MEGF10: variants seen among roughly 807,000 people sequenced by gnomAD.
MEGF10 encodes multiple EGF like domains 10.
Under a neutral mutation model 147.5 loss-of-function variants are expected in MEGF10, and 86 were observed. The ratio of observed to expected loss-of-function variants is 0.58; its 90% confidence interval spans 0.49 to 0.70. The LOEUF (loss-of-function observed/expected upper bound fraction) is 0.70. Among genes scored for constraint, MEGF10 ranks in the 30% least tolerant of loss-of-function variants. The pLI is 0.00. For synonymous variants in MEGF10, 478 were observed against 525.5 expected (o/e 0.91, Z 1.24); for missense variants, 1,329 against 1,487.3 (o/e 0.89, Z 1.75).
At chr5:127,450,560 T>C (rs1766116739) in intron 22 of MEGF10, among the ~76,000 whole-genome samples, 1 of 152,216 alleles carries the variant, frequency 6.6e-6, no homozygotes, top group South Asian at 2.1e-4. Flanking sequence ...TCCTTTCACG[T>C]ACATTTATTT....
At chr5:127,298,241 C>T (rs908075960) in intron 1 of MEGF10, among the ~76,000 whole-genome samples, 1 of 152,156 alleles carries the variant, frequency 6.6e-6, no homozygotes, top group African/African-American at 2.4e-5. Flanking sequence ...GTCCTGCTGT[C>T]CCTGCACTCC....
At chr5:127,301,312 G>C (rs1759759064) in intron 1 of MEGF10, among the ~76,000 whole-genome samples, 1 of 152,172 alleles carries the variant, frequency 6.6e-6, no homozygotes, top group Non-Finnish European at 1.5e-5. Flanking sequence ...AGTGAGCCAT[G>C]AGTCATTGTA....
chr5:127,445,561 G>C lies in MEGF10; in HGVS notation c.2596G>C (p.Val866Leu). Residue 866 changes from valine to leucine, a missense_variant, in exon 20 of 25, where the codon GTC becomes CTC. Physicochemically the swap from Val to Leu is conservative, Grantham distance 32 (BLOSUM62 1). Transcript: ENST00000503335. ...IGAIAGIIIL[V>L]LVVLFLLALF... ...GGCCATTGCAGGCATCATCATTCTT[G>C]TCCTAGTTGTTCTCTTCCTACTGGC... 6.2e-7 allele frequency: 1 copy of C among 1,613,984 alleles called. No homozygotes were observed.
chr5:127,247,356 G>C, the MEGF10 span, among the ~76,000 whole-genome samples: 1 of 2,212 alleles, frequency 4.5e-4, no homozygotes, highest in African/African-American at 1.9e-3. Flanking sequence ...AGAAGAAGAA[G>C]AAGAAGAAGA....
intron 19 of MEGF10, among the ~76,000 whole-genome samples, chr5:127,443,425 G>C (rs946074046): frequency 1.3e-5 from 2 of 152,018 alleles, no homozygotes; most frequent in African/African-American, 4.8e-5. Flanking sequence ...TTTCTACTGG[G>C]TCTATGATTT....
chr5:127,299,445 C>G (rs949696760), intron 1 of MEGF10, among the ~76,000 whole-genome samples: 1 of 152,174 alleles, frequency 6.6e-6, no homozygotes, highest in African/African-American at 2.4e-5. Flanking sequence ...TCCCTCACCC[C>G]TAACTTTCAA....
At chr5:127,378,627 A>AT (rs1262868689) in intron 5 of MEGF10, among the ~76,000 whole-genome samples, 1 of 151,810 alleles carries the variant, frequency 6.6e-6, no homozygotes, top group East Asian at 1.9e-4. Context: ...TAATTTTTTT[A>AT]TTTTTTGTAG....
At chr5:127,347,617 T>C (rs1041073030) in intron 4 of MEGF10, among the ~76,000 whole-genome samples, 7 of 152,112 alleles carry the variant, frequency 4.6e-5, no homozygotes, top group Non-Finnish European at 1.0e-4. Context: ...TTTCAACATA[T>C]AACCATCATT....
chr5:127,396,668 G>T lies in MEGF10; in HGVS notation c.549G>T (p.Glu183Asp). ...FRGWRCEDRCEQGTYGNDCHQ... is the reference protein window; with the variant it reads ...FRGWRCEDRCDQGTYGNDCHQ... ...GCTGGCGCTGCGAGGACCGCTGTGA[G>T]CAGGGCACCTATGGTAACGACTGTC... Residue 183 changes from glutamate to aspartate, a missense_variant, in exon 6 of 25, where the codon GAG becomes GAT. By Grantham distance (45) the Glu-to-Asp change is conservative. Around this residue, in one of 3 missense-constraint regions of MEGF10, gnomAD observed 980 missense variants for 1,085.9 expected, o/e 0.90. Transcript: ENST00000503335. 1 of 1,614,142 alleles carries T rather than the reference G, an allele frequency of 6.2e-7. No individual in the cohort carries two copies. The highest frequency in any genetic ancestry group is 8.5e-7 in the Non-Finnish European group (1 of 1,180,040).
At chr5:127,241,291 G>C in the MEGF10 span, among the ~76,000 whole-genome samples, 12 of 152,262 alleles carry the variant, frequency 7.9e-5, 1 homozygote, top group Admixed American at 5.2e-4. Flanking sequence ...GTTGGTTTCA[G>C]GGACTCAGAT....
intron 5 of MEGF10, among the ~76,000 whole-genome samples, chr5:127,370,886 G>T (rs1018061151): frequency 1.3e-5 from 2 of 152,158 alleles, no homozygotes; most frequent in African/African-American, 2.4e-5. Flanking sequence ...TTTGAAAAAG[G>T]AAGCCATCGT....
intron 4 of MEGF10, among the ~76,000 whole-genome samples, chr5:127,352,156 C>T (rs1762109476): frequency 6.6e-6 from 1 of 152,000 alleles, no homozygotes; most frequent in Admixed American, 6.6e-5. Context: ...ATAATCTTAG[C>T]CACATCTTAA....
chr5:127,253,523 G>C, the MEGF10 span, among the ~76,000 whole-genome samples: 2 of 151,912 alleles, frequency 1.3e-5, no homozygotes, highest in Non-Finnish European at 2.9e-5. Context: ...CACAATTATA[G>C]TTATTTATAC....
the MEGF10 span, among the ~76,000 whole-genome samples, chr5:127,273,469 C>A: frequency 6.6e-6 from 1 of 152,198 alleles, no homozygotes; most frequent in African/African-American, 2.4e-5. Flanking sequence ...TCTGTGAGTG[C>A]CATGCACTGC....
intron 1 of MEGF10, among the ~76,000 whole-genome samples, chr5:127,303,405 A>G (rs2546807): frequency 0.54 from 80,897 of 150,714 alleles, 22,476 homozygotes; most frequent in Middle Eastern, 0.63. Flanking sequence ...AGTCCTGGAA[A>G]CCCGGCTGCC....
At chr5:127,448,849 A>C (rs1001321846) in intron 21 of MEGF10, among the ~76,000 whole-genome samples, 27 of 151,060 alleles carry the variant, frequency 1.8e-4, no homozygotes, top group African/African-American at 6.6e-4. Flanking sequence ...ATAAGGTCTA[A>C]TTGGCACAGG....
At chr5:127,388,518 TTTATTTATTTA>T (rs1763522603) in intron 5 of MEGF10, among the ~76,000 whole-genome samples, 5 of 12,580 alleles carry the variant, frequency 4.0e-4, no homozygotes, top group Admixed American at 1.9e-3. Flanking sequence ...CTTTTTTCTT[TTTATTTATTTA>T]TTTATTTATT....
chr5:127,434,664 G>A (rs377457892), intron 14 of MEGF10, 23 bp from the exon 15 acceptor site: 2 of 1,595,740 alleles, frequency 1.3e-6, no homozygotes, highest in Admixed American at 3.4e-5. Context: ...AAGGATAACT[G>A]CTGATTTCCC....
chr5:127,353,547 G>A (rs1251367434), intron 4 of MEGF10, among the ~76,000 whole-genome samples: 2 of 152,216 alleles, frequency 1.3e-5, no homozygotes, highest in African/African-American at 4.8e-5. Context: ...TCCACTGATG[G>A]CAGAGAAAGC....
Sources: allele counts gnomAD v4.1 joint callset (sites outside exome capture counted in the v4.1 genomes callset), GRCh38; gene constraint gnomAD v4.1.1; regional missense constraint gnomAD v4.1.1; transcripts MANE v1.5; gene names NCBI Gene and HGNC (gene_info 2026-07-23, HGNC 2026-07-21).